The following PAPSS2 variants were observed in gnomAD, a reference collection of about 807,000 sequenced individuals.
PAPSS2 encodes the protein 3'-phosphoadenosine 5'-phosphosulfate synthase 2, also known as bifunctional 3'-phosphoadenosine 5'-phosphosulfate synthase 2.
Under a neutral mutation model 66.5 loss-of-function variants are expected in PAPSS2, and 61 were observed. The ratio of observed to expected loss-of-function variants is 0.92; its 90% CI spans 0.75 to 1.14. The LOEUF (loss-of-function observed/expected upper bound fraction) is 1.14. Ranked by LOEUF, PAPSS2 falls within the 50% of genes most tolerant of loss-of-function variation. The pLI, the probability that PAPSS2 is intolerant of heterozygous loss-of-function variation, is 0.00. For missense variants in PAPSS2, 708 were observed against 789.6 expected, an observed-to-expected ratio of 0.90 and a Z score of 1.24; for synonymous variants, 289 against 287.5, an observed-to-expected ratio of 1.01 and a Z score of -0.05.
chr10:87,728,077 T>A (rs2131721153), intron 9 of PAPSS2, among the ~76,000 whole-genome samples: 1 of 152,322 alleles, frequency 6.6e-6, no homozygotes, highest in South Asian at 2.1e-4. Flanking sequence ...TGTGTTCATC[T>A]GATAGGATCA....
chr10:87,713,963 A>G (rs1406051736), intron 3 of PAPSS2, 81 bp from the exon 4 acceptor site: 8 of 1,510,814 alleles, frequency 5.3e-6, no homozygotes, highest in Non-Finnish European at 7.3e-6. Context: ...AGGCTATTGA[A>G]AACCAAAGTA....
chr10:87,714,713 G>C (rs1564721626), intron 4 of PAPSS2, 32 bp from the exon 5 acceptor site: 3 of 1,145,122 alleles, frequency 2.6e-6, no homozygotes, highest in Non-Finnish European at 4.0e-6. Flanking sequence ...TGTCAATACA[G>C]ATGCGATGAT....
At chr10:87,690,234 C>G (rs888758832) in intron 1 of PAPSS2, among the ~76,000 whole-genome samples, 1 of 152,046 alleles carries the variant, frequency 6.6e-6, no homozygotes, top group Non-Finnish European at 1.5e-5. Context: ...ATTCATACAC[C>G]GGAACATTAT....
chr10:87,689,057 G>A (rs1165967020), intron 1 of PAPSS2, among the ~76,000 whole-genome samples: 1 of 152,030 alleles, frequency 6.6e-6, no homozygotes, highest in Admixed American at 6.6e-5. Context: ...GGTCAGGGCC[G>A]GGGCCAGTTG....
At chr10:87,744,700 A>G (rs1359027649) in intron 11 of PAPSS2, among the ~76,000 whole-genome samples, 1 of 152,212 alleles carries the variant, frequency 6.6e-6, no homozygotes. Context: ...AGTAAAATCC[A>G]CATAGTTCTG....
In PAPSS2 at chr10:87,713,920, A is replaced by G. The variant is rs942896520; in HGVS notation, c.382-124A>G. 3.1e-6 allele frequency: 3 copies of G among 970,328 alleles called. No homozygotes were observed. The African/African-American group carries it at 4.8e-5, about 16-fold the overall frequency. 60.1% of individuals were successfully genotyped at this position (970,328 alleles called of 1,614,324 possible). A position where few individuals can be genotyped will look rare whatever the true frequency, so the allele number is the denominator to read the frequency against. On this transcript the variant is annotated intron_variant, in intron 3 of 12. Coordinates refer to ENST00000456849, the MANE Select transcript of PAPSS2 (RefSeq NM_001015880.2). ...AAAATTTCTGGACTTTCTCTCAAGC[A>G]CTCTGCAAAGCACAAACCCCAGTGT...
At chr10:87,703,258 A>G (rs942151070) in intron 1 of PAPSS2, among the ~76,000 whole-genome samples, 1 of 149,386 alleles carries the variant, frequency 6.7e-6, no homozygotes, top group African/African-American at 2.5e-5. Context: ...CAGAGCAGCA[A>G]TAATGACAAC....
chr10:87,674,110 G>T (rs570524834), intron 1 of PAPSS2, among the ~76,000 whole-genome samples: 1 of 152,242 alleles, frequency 6.6e-6, no homozygotes, highest in East Asian at 1.9e-4. Context: ...CAGAGCAGAG[G>T]TTCTTTAGTA....
chr10:87,714,029 C>T lies in PAPSS2; in HGVS notation c.382-15C>T, dbSNP rs1160722517. ...TGAAACCTCTTTTTACATTCTTAAT[C>T]ATATTGCTTTTCAGGATCGTGAGAA... On this transcript the variant is annotated splice_polypyrimidine_tract_variant and intron_variant, in intron 3 of 12. Coordinates refer to ENST00000456849, the MANE Select transcript of PAPSS2 (RefSeq NM_001015880.2). 5.6e-6 allele frequency: 9 copies of T among 1,613,356 alleles called. No homozygotes were observed. The East Asian group carries it at 1.8e-4, about 32-fold the overall frequency.
rs1483956324 is a variant in PAPSS2, at chr10:87,659,878, A to G, written c.-104A>G. 4.8e-5 allele frequency: 48 copies of G among 1,004,910 alleles called. 1 individual carries two copies. Among genetic ancestry groups the G allele is most frequent in the South Asian group, 4.7e-4 (36 of 76,214 alleles). 62.2% of individuals were successfully genotyped at this position (1,004,910 alleles called of 1,614,324 possible). A position where few individuals can be genotyped will look rare whatever the true frequency, so the allele number is the denominator to read the frequency against. ...TATACCTCCTTCCCGGGAGTCCGGC[A>G]GCCGCTGCTGCTGCTGCTGCTGCTG... is the stretch of plus-strand genomic sequence containing the variant. On this transcript the variant is annotated 5_prime_UTR_variant, in exon 1 of 13. Transcript: ENST00000456849.
intron 1 of PAPSS2, among the ~76,000 whole-genome samples, chr10:87,663,740 C>G (rs569330203): frequency 1.1e-4 from 16 of 152,306 alleles, no homozygotes; most frequent in African/African-American, 3.8e-4. Context: ...TTTCCCCTTA[C>G]AATTGTCGTG....
Position 87,713,325 on chromosome 10 carries a change from A to AAAAAAAAAAAAAAAAAAAAAAC in PAPSS2, c.381+24_381+25insAAAAAAAAAAAACAAAAAAAAA. 6.8e-7 allele frequency: 1 copy of AAAAAAAAAAAAAAAAAAAAAAC among 1,463,486 alleles called. No homozygotes were observed. Among genetic ancestry groups the AAAAAAAAAAAAAAAAAAAAAAC allele is most frequent in the East Asian group, 2.4e-5 (1 of 41,470 alleles). 90.7% of individuals were successfully genotyped at this position (1,463,486 alleles called of 1,614,324 possible). ...CATTCGCAAAGGTAAAAAAAAAAAA[A>AAAAAAAAAAAAAAAAAAAAAAC]AAAAAAAAAGGCACTACACACGATT... On this transcript the variant is annotated intron_variant, in intron 3 of 12. Coordinates refer to ENST00000456849, the MANE Select transcript of PAPSS2 (RefSeq NM_001015880.2).
At chr10:87,683,087 C>CT (rs1853043331) in intron 1 of PAPSS2, among the ~76,000 whole-genome samples, 3 of 127,202 alleles carry the variant, frequency 2.4e-5, no homozygotes, top group South Asian at 5.4e-4. Flanking sequence ...TTTCCTTTTT[C>CT]TTTTTTCTTT....
At chr10:87,676,954 G>A (rs978345673) in intron 1 of PAPSS2, among the ~76,000 whole-genome samples, 20 of 150,384 alleles carry the variant, frequency 1.3e-4, no homozygotes, top group Non-Finnish European at 2.9e-4. Flanking sequence ...AGCACTTTGG[G>A]AGGCCGAGGC....
chr10:87,666,890 C>G (rs187898215), intron 1 of PAPSS2, among the ~76,000 whole-genome samples: 1 of 152,082 alleles, frequency 6.6e-6, no homozygotes, highest in Admixed American at 6.5e-5. Flanking sequence ...CCCTCTTTTC[C>G]TCTGAGATCA....
chr10:87,728,438 T>C (rs531417275), intron 9 of PAPSS2, among the ~76,000 whole-genome samples: 2 of 152,262 alleles, frequency 1.3e-5, no homozygotes, highest in South Asian at 4.1e-4. Context: ...TCAGTTTCTT[T>C]ATTATAAAAG....
At chr10:87,706,106 A>ATGTGTGTGTGTG (rs1223497557) in intron 1 of PAPSS2, among the ~76,000 whole-genome samples, 6 of 85,278 alleles carry the variant, frequency 7.0e-5, no homozygotes, top group African/African-American at 3.4e-4. Context: ...ATATATATAT[A>ATGTGTGTGTGTG]TATGTGTGTG....
chr10:87,739,254 T>A (rs1210259800), intron 9 of PAPSS2, among the ~76,000 whole-genome samples: 1 of 152,240 alleles, frequency 6.6e-6, no homozygotes, highest in Non-Finnish European at 1.5e-5. Flanking sequence ...ACATTATTTG[T>A]TGAAGAGACT....
At chr10:87,701,272 T>C (rs541034367) in intron 1 of PAPSS2, among the ~76,000 whole-genome samples, 5 of 104,896 alleles carry the variant, frequency 4.8e-5, no homozygotes, top group African/African-American at 2.7e-4. Flanking sequence ...CCTTTCTTCC[T>C]TTCTCTTTTT....
Sources: allele counts gnomAD v4.1 joint callset (sites outside exome capture counted in the v4.1 genomes callset), GRCh38; gene constraint gnomAD v4.1.1; transcripts MANE v1.5; gene names NCBI Gene and HGNC (gene_info 2026-07-23, HGNC 2026-07-21).